Variants in GRM7 observed in about 807,000 individuals in gnomAD.
GRM7 encodes the protein glutamate metabotropic receptor 7.
Under a neutral mutation model 84.5 loss-of-function variants are expected in GRM7, and 35 were observed. The observed-to-expected ratio is 0.41, with a 90% CI of 0.32 to 0.55. The LOEUF is 0.55. GRM7 is among the 20% of genes least tolerant of loss of function. The pLI is 0.19. For synonymous variants in GRM7, 487 were observed against 455.1 expected, an observed-to-expected ratio of 1.07 and a Z score of -0.89; for missense variants, 1,003 against 1,194.6, an observed-to-expected ratio of 0.84 and a Z score of 2.36.
chr3:7,065,605 G>C (rs1697625926), intron 1 of GRM7, among the ~76,000 whole-genome samples: 1 of 151,904 alleles, frequency 6.6e-6, no homozygotes, highest in Admixed American at 6.6e-5. Context: ...TTATAGTATA[G>C]TTTGAAATCA....
intron 1 of GRM7, among the ~76,000 whole-genome samples, chr3:7,061,336 A>G (rs2124969877): frequency 6.6e-6 from 1 of 151,924 alleles, no homozygotes; most frequent in African/African-American, 2.4e-5. Context: ...TATGTGCTGG[A>G]TAATGTTAAA....
At chr3:7,407,316 A>T (rs931594144) in intron 4 of GRM7, among the ~76,000 whole-genome samples, 4 of 152,132 alleles carry the variant, frequency 2.6e-5, no homozygotes, top group African/African-American at 9.7e-5. Flanking sequence ...CTCTAGAGGG[A>T]TGGTCATTTT....
intron 9 of GRM7, among the ~76,000 whole-genome samples, chr3:7,693,251 G>A (rs916623472): frequency 6.6e-6 from 1 of 152,088 alleles, no homozygotes; most frequent in South Asian, 2.1e-4. Flanking sequence ...ACTCACCTCT[G>A]CTTAAGGTAA....
Position 7,084,646 on chromosome 3 carries a change from T to C in GRM7, c.520-61806T>C, listed in dbSNP as rs988251633. On this transcript the variant is annotated intron_variant, in intron 1 of 9. Coordinates refer to ENST00000357716, the MANE Select transcript of GRM7 (RefSeq NM_000844.4). The stretch of plus-strand genomic sequence containing the variant: ...GTCAGGTTAGTTCTAGGTGTAGTTA[T>C]TGTGATGTGTCTATTAGTCACTCAA... Among the ~76,000 whole-genome samples, 4 of 152,104 alleles carry C rather than the reference T, an allele frequency of 2.6e-5. No individual in the cohort carries two copies. The East Asian group carries it at 7.8e-4, about 30-fold the overall frequency.
At chr3:7,331,282 G>A (rs771215615) in intron 4 of GRM7, among the ~76,000 whole-genome samples, 11 of 152,206 alleles carry the variant, frequency 7.2e-5, no homozygotes, top group East Asian at 1.9e-4. Flanking sequence ...TAGAGTGAGC[G>A]TGTCTGAAAG....
rs1319062258 is a variant in GRM7, at chr3:7,694,480, T to TTTTG, written c.2698+14190_2698+14193dup. The TTTTG allele has an allele frequency of 5.1e-6, 3 of 592,434 alleles. No homozygotes were observed. In the African/African-American group the frequency reaches 6.0e-5, roughly 12 times the overall value. 36.7% of individuals were successfully genotyped at this position (592,434 alleles called of 1,614,324 possible). Reference sequence around the variant, plus strand: ...GTCAAGCAATCCATCTGCATCTAATTTTTGTTTGGAACAACCTGCAGGATT... The same window carrying TTTTG: ...GTCAAGCAATCCATCTGCATCTAATTTTTGTTTGTTTGGAACAACCTGCAGGATT... On this transcript the variant is annotated intron_variant, in intron 9 of 9. Coordinates refer to ENST00000357716, the MANE Select transcript of GRM7 (RefSeq NM_000844.4).
intron 2 of GRM7, among the ~76,000 whole-genome samples, chr3:7,204,502 G>A (rs1290954999): frequency 6.6e-6 from 1 of 152,038 alleles, no homozygotes; most frequent in Non-Finnish European, 1.5e-5. Context: ...TGTGGACAAA[G>A]GGAAAATGAT....
chr3:7,010,527 A>G (rs1469646570), intron 1 of GRM7, among the ~76,000 whole-genome samples: 1 of 152,244 alleles, frequency 6.6e-6, no homozygotes, highest in African/African-American at 2.4e-5. Context: ...GGCAAGTCCA[A>G]GGTGATCAGA....
intron 1 of GRM7, among the ~76,000 whole-genome samples, chr3:7,019,497 A>T (rs1008628738): frequency 2.6e-5 from 4 of 152,158 alleles, no homozygotes; most frequent in Non-Finnish European, 5.9e-5. Context: ...TTTATTGCTC[A>T]TGTCTCCCGA....
At chr3:7,467,777 A>G (rs1698522487) in intron 7 of GRM7, among the ~76,000 whole-genome samples, 1 of 152,298 alleles carries the variant, frequency 6.6e-6, no homozygotes, top group African/African-American at 2.4e-5. Flanking sequence ...CTCTTTCTTT[A>G]CAATCTTATT....
chr3:6,907,301 T>C (rs1696616103), intron 1 of GRM7, among the ~76,000 whole-genome samples: 1 of 152,190 alleles, frequency 6.6e-6, no homozygotes, highest in African/African-American at 2.4e-5. Context: ...CCTTCACAGG[T>C]GAACCTACTG....
At chr3:7,491,830 T>TA (rs1699528613) in intron 7 of GRM7, among the ~76,000 whole-genome samples, 1 of 152,202 alleles carries the variant, frequency 6.6e-6, no homozygotes, top group South Asian at 2.1e-4. Context: ...GGTGAGTATA[T>TA]AATAAATACC....
intron 4 of GRM7, among the ~76,000 whole-genome samples, chr3:7,376,749 A>T (rs530667480): frequency 2.1e-5 from 3 of 143,774 alleles, no homozygotes; most frequent in Admixed American, 7.2e-5. Flanking sequence ...AATATTTACT[A>T]TGTGGCTCTT....
intron 8 of GRM7, among the ~76,000 whole-genome samples, chr3:7,622,606 T>C (rs1697412737): frequency 6.6e-6 from 1 of 152,002 alleles, no homozygotes; most frequent in African/African-American, 2.4e-5. Flanking sequence ...TTGACATATT[T>C]TCAAGCAGGG....
intron 7 of GRM7, among the ~76,000 whole-genome samples, chr3:7,477,664 G>GAAC (rs1490968582): frequency 6.6e-6 from 1 of 152,080 alleles, no homozygotes; most frequent in Non-Finnish European, 1.5e-5. Context: ...TCTTTGATGT[G>GAAC]ATCAACGCGA....
chr3:7,375,214 C>CTTT (rs1553572612), intron 4 of GRM7, among the ~76,000 whole-genome samples: 1 of 132,974 alleles, frequency 7.5e-6, no homozygotes, highest in Non-Finnish European at 1.6e-5. Flanking sequence ...TAAACATCCC[C>CTTT]TTTTTTTTTT....
intron 1 of GRM7, among the ~76,000 whole-genome samples, chr3:6,950,885 G>C (rs115937108): frequency 6.6e-6 from 1 of 152,122 alleles, no homozygotes; most frequent in Non-Finnish European, 1.5e-5. Flanking sequence ...CCAGTGTGCC[G>C]TTTGATAAGC....
chr3:7,007,615 T>A (rs1006547583), intron 1 of GRM7, among the ~76,000 whole-genome samples: 3 of 152,238 alleles, frequency 2.0e-5, no homozygotes, highest in African/African-American at 7.2e-5. Flanking sequence ...AAGTTCTCAG[T>A]TGCCAACTCC....
Position 7,142,916 on chromosome 3 carries a change from G to A in GRM7, c.520-3536G>A, listed in dbSNP as rs554444614. Among the ~76,000 whole-genome samples the A allele has an allele frequency of 2.1e-4, 32 of 152,112 alleles. No homozygotes were observed. The East Asian group carries it at 5.0e-3, about 24-fold the overall frequency. On this transcript the variant is annotated intron_variant, in intron 1 of 9. Coordinates refer to ENST00000357716, the MANE Select transcript of GRM7 (RefSeq NM_000844.4). ...TAGCCAAATTTTTATGAGGAGAAAA[G>A]AATAATAAGATGACAATATGGTCCT... is the stretch of plus-strand genomic sequence containing the variant.
Sources: gnomAD v4.1 joint callset for allele counts (sites outside exome capture counted in the v4.1 genomes callset) on GRCh38, gnomAD v4.1.1 for gene constraint, MANE v1.5 for transcripts, NCBI Gene and HGNC (gene_info 2026-07-23, HGNC 2026-07-21) for gene names.